Variants in GLB1 observed in about 807,000 individuals in gnomAD.
GLB1 encodes the protein galactosidase beta 1.
In GLB1, 56 loss-of-function variants were observed where a neutral mutation model predicts 74.0. That is an observed-to-expected ratio of 0.76 (90% CI 0.61 to 0.94). The LOEUF (loss-of-function observed/expected upper bound fraction) is 0.94, where lower values mean the gene tolerates loss of function less well. Among genes scored for constraint, GLB1 ranks in the 40% least tolerant of loss-of-function variants. The pLI is 0.00. For synonymous variants in GLB1, 323 were observed against 323.6 expected (o/e 1.00, Z 0.02); for missense variants, 787 against 845.5 (o/e 0.93, Z 0.86).
chr3:33,023,040 C>T (rs1189332650), intron 11 of GLB1, among the ~76,000 whole-genome samples: 12 of 152,180 alleles, frequency 7.9e-5, no homozygotes. Context: ...TCTACATAAA[C>T]TTAATTCAGT....
intron 10 of GLB1, among the ~76,000 whole-genome samples, chr3:33,026,376 G>A (rs748312271): frequency 4.6e-5 from 7 of 152,188 alleles, no homozygotes; most frequent in Non-Finnish European, 8.8e-5. Flanking sequence ...TTTGGGCACC[G>A]ATGAGCACAG....
At chr3:33,007,135 T>C (rs1024536334) in intron 15 of GLB1, among the ~76,000 whole-genome samples, 1 of 152,212 alleles carries the variant, frequency 6.6e-6, no homozygotes, top group South Asian at 2.1e-4. Context: ...GGTTCTGTGT[T>C]AGGTAGGATG....
the GLB1 span, among the ~76,000 whole-genome samples, chr3:32,985,887 T>C: frequency 6.6e-6 from 1 of 151,494 alleles, no homozygotes; most frequent in African/African-American, 2.4e-5. Context: ...ATTTTTATAT[T>C]TTTTATTAGA....
intron 15 of GLB1, among the ~76,000 whole-genome samples, chr3:33,008,227 G>C (rs1696863201): frequency 6.6e-6 from 1 of 152,184 alleles, no homozygotes; most frequent in Non-Finnish European, 1.5e-5. Context: ...TAGCTAAAGG[G>C]GGAAGATCCA....
intron 10 of GLB1, chr3:33,030,461 C>T (rs1007848092): frequency 2.0e-6 from 2 of 976,294 alleles, no homozygotes; most frequent in African/African-American, 1.8e-5. Context: ...TTGCCTTTCT[C>T]ATCTGTAACC....
At chr3:32,982,438 C>T in the GLB1 span, among the ~76,000 whole-genome samples, 2 of 151,102 alleles carry the variant, frequency 1.3e-5, no homozygotes, top group African/African-American at 2.4e-5. Flanking sequence ...TAAAATTAAC[C>T]AACTACCTTT....
At chr3:33,073,709 A>G (rs1416541321) in intron 1 of GLB1, among the ~76,000 whole-genome samples, 1 of 151,688 alleles carries the variant, frequency 6.6e-6, no homozygotes, top group Non-Finnish European at 1.5e-5. Flanking sequence ...AAAATAAATA[A>G]AAATAAAAAT....
rs529542265 is a variant in GLB1, at chr3:32,996,876, C to T, written c.*169G>A. Reference sequence around the variant, plus strand: ...GCCCCTCACACATTCCAGGTGGTCCCTGAAGGTGGGGCTTTGGCACTGCAG... The same window carrying T: ...GCCCCTCACACATTCCAGGTGGTCCTTGAAGGTGGGGCTTTGGCACTGCAG... On this transcript the variant is annotated 3_prime_UTR_variant, in exon 16 of 16. Transcript: ENST00000307363. 1 of 1,268,014 alleles carries T rather than the reference C, an allele frequency of 7.9e-7. No individual in the cohort carries two copies. The highest frequency in any genetic ancestry group is 1.4e-5 in the South Asian group (1 of 70,956). The allele number at this position is 1,268,014 out of a possible 1,614,324, so 78.5% of individuals were successfully genotyped here.
intron 5 of GLB1, among the ~76,000 whole-genome samples, chr3:33,063,977 G>A (rs1200238990): frequency 2.0e-5 from 3 of 151,926 alleles, no homozygotes; most frequent in African/African-American, 7.3e-5. Context: ...GAAAGGCAAA[G>A]CAGTGCCCAT....
At chr3:33,010,918 A>G (rs1406213240) in intron 15 of GLB1, among the ~76,000 whole-genome samples, 1 of 152,136 alleles carries the variant, frequency 6.6e-6, no homozygotes, top group Admixed American at 6.6e-5. Context: ...GTGCAGTGGC[A>G]TGCTCTTGGC....
chr3:32,997,294 C>T lies in GLB1; in HGVS notation c.1785G>A (p.Arg595=), dbSNP rs2125442900. Residue 595 remains arginine, a synonymous_variant, in exon 16 of 16, where the codon CGG becomes CGA. Transcript: ENST00000307363. ...GFNLGRYWPA[R]GPQLTLFVPQ... ...GCACAAACAAGGTCAACTGAGGGCCCCGGGCTGGCCAATAGCGGCCAAGGT... is the reference window on the plus strand; with the variant it reads ...GCACAAACAAGGTCAACTGAGGGCCTCGGGCTGGCCAATAGCGGCCAAGGT... The T allele has an allele frequency of 6.2e-7, 1 of 1,614,074 alleles. No homozygotes were observed.
At chr3:33,041,100 T>C (rs1219630515) in intron 10 of GLB1, among the ~76,000 whole-genome samples, 1 of 152,128 alleles carries the variant, frequency 6.6e-6, no homozygotes, top group African/African-American at 2.4e-5. Flanking sequence ...GAAGACATAA[T>C]GGCATAAACT....
At position 33,052,073 on chromosome 3, in the gene GLB1, A is replaced by G. The variant is rs150255701; in HGVS notation, c.793-69T>C. The G allele has an allele frequency of 1.4e-3, 2,192 of 1,602,700 alleles. 8 individuals are homozygous for G. The African/African-American group carries it at 0.016, about 11-fold the overall frequency. ...CTTCCAATGCCAGGGCTTCCCTGCA[A>G]TGCCCCATCTATGACAGGTGTAAAG... is the stretch of plus-strand genomic sequence containing the variant. On this transcript the variant is annotated intron_variant, in intron 7 of 15. Transcript: ENST00000307363.
chr3:33,014,885 T>C (rs773261960), intron 14 of GLB1, among the ~76,000 whole-genome samples: 1 of 152,206 alleles, frequency 6.6e-6, no homozygotes, highest in Non-Finnish European at 1.5e-5. Context: ...GAGAATCGCT[T>C]GAACCTGACA....
At chr3:33,034,996 TG>T (rs1341540758) in intron 10 of GLB1, among the ~76,000 whole-genome samples, 1 of 152,158 alleles carries the variant, frequency 6.6e-6, no homozygotes, top group Non-Finnish European at 1.5e-5. Context: ...TAGGTAACTT[TG>T]GGTTCAGGCA....
chr3:33,026,190 C>T (rs1430209182), intron 10 of GLB1, among the ~76,000 whole-genome samples: 1 of 152,156 alleles, frequency 6.6e-6, no homozygotes, highest in Non-Finnish European at 1.5e-5. Flanking sequence ...CCCCCTCCCC[C>T]AAAAGGCTAA....
chr3:33,096,590 T>G, intron 1 of GLB1: 9 of 1,037,724 alleles, frequency 8.7e-6, no homozygotes, highest in Non-Finnish European at 1.0e-5. Flanking sequence ...TTTTTCTCCT[T>G]CCGGAGCGCT....
At chr3:33,078,101 T>C (rs4678643) in intron 1 of GLB1, among the ~76,000 whole-genome samples, 135,924 of 152,128 alleles carry the variant, frequency 0.89, 60,862 homozygotes, top group East Asian at 1. Flanking sequence ...CAAAATTAGC[T>C]GGTGTGGTGG....
At chr3:32,999,296 C>T (rs1254423524) in intron 15 of GLB1, among the ~76,000 whole-genome samples, 1 of 152,136 alleles carries the variant, frequency 6.6e-6, no homozygotes, top group Non-Finnish European at 1.5e-5. Context: ...CTGCCGGTGC[C>T]TTGTTTTTGC....
Sources: gnomAD v4.1 joint callset for allele counts (sites outside exome capture counted in the v4.1 genomes callset) on GRCh38, gnomAD v4.1.1 for gene constraint, MANE v1.5 for transcripts, NCBI Gene and HGNC (gene_info 2026-07-23, HGNC 2026-07-21) for gene names.